Variants in LMO7 observed in about 807,000 individuals in gnomAD.
LMO7 encodes the protein LIM domain 7.
LMO7 carries 120 observed loss-of-function variants against 206.5 expected under a neutral mutation model. That is an observed-to-expected ratio of 0.58 (90% CI 0.50 to 0.68). LMO7 has a LOEUF of 0.68. LMO7 is among the 30% of genes least tolerant of loss of function. The probability of loss-of-function intolerance (pLI) is 0.00; values close to 1 mark genes in which losing one functional copy is unlikely to be tolerated. For missense variants in LMO7, 1,959 were observed against 1,957.9 expected, an observed-to-expected ratio of 1.00 and a Z score of -0.01; for synonymous variants, 706 against 681.5, an observed-to-expected ratio of 1.04 and a Z score of -0.56.
At position 75,838,163 on chromosome 13, in the gene LMO7, A is replaced by G; in HGVS notation, c.3418A>G (p.Asn1140Asp). ...SKASESISLK[N>D]LKRRSQFFEQ... ...AGCATCTGAATCCATTTCTTTGAAA[A>G]ACTTAAAAAGGCGATCACAATTTTT... The change falls in exon 20 of 31, where the codon AAC becomes GAC. Residue 1140 changes from asparagine (N) to aspartate (D), a missense_variant. Physicochemically the swap from Asn to Asp is conservative, Grantham distance 23 (BLOSUM62 1). Coordinates refer to ENST00000377534, the MANE Select transcript of LMO7 (RefSeq NM_001306080.2). 6.2e-7 allele frequency: 1 copy of G among 1,603,920 alleles called. No individual in the cohort carries two copies. The highest frequency in any genetic ancestry group is 8.5e-7 in the Non-Finnish European group (1 of 1,170,940).
At chr13:75,718,691 G>T (rs2043763616) in intron 2 of LMO7, among the ~76,000 whole-genome samples, 1 of 152,110 alleles carries the variant, frequency 6.6e-6, no homozygotes, top group Non-Finnish European at 1.5e-5. Flanking sequence ...TCTTGGTGTT[G>T]TACGTTGTAT....
At chr13:75,709,916 G>C (rs1302505306) in intron 1 of LMO7, among the ~76,000 whole-genome samples, 1 of 152,134 alleles carries the variant, frequency 6.6e-6, no homozygotes, top group African/African-American at 2.4e-5. Flanking sequence ...TTCTTCTAGG[G>C]TTTTTATGGT....
intron 3 of LMO7, among the ~76,000 whole-genome samples, chr13:75,733,340 C>T (rs937674157): frequency 6.6e-6 from 1 of 152,236 alleles, no homozygotes; most frequent in Non-Finnish European, 1.5e-5. Context: ...GCGGGCGCCC[C>T]TCCCCCAGCC....
intron 1 of LMO7, among the ~76,000 whole-genome samples, chr13:75,672,779 T>C (rs1176802813): frequency 6.8e-6 from 1 of 146,524 alleles, no homozygotes; most frequent in East Asian, 1.9e-4. Context: ...TCTCATACTT[T>C]TGATTTTATA....
At chr13:75,818,080 T>C (rs2138255081) in intron 12 of LMO7, among the ~76,000 whole-genome samples, 2 of 152,346 alleles carry the variant, frequency 1.3e-5, no homozygotes, top group South Asian at 4.1e-4. Flanking sequence ...AAACCCCTGC[T>C]CTGGCTACCC....
At chr13:75,844,531 T>C (rs1356443532) in intron 25 of LMO7, among the ~76,000 whole-genome samples, 1 of 151,994 alleles carries the variant, frequency 6.6e-6, no homozygotes, top group Non-Finnish European at 1.5e-5. Context: ...CACTTCAGTC[T>C]CCCAAGTAAC....
chr13:75,741,846 C>G (rs2046436753), intron 3 of LMO7, among the ~76,000 whole-genome samples: 1 of 152,178 alleles, frequency 6.6e-6, no homozygotes, highest in East Asian at 1.9e-4. Flanking sequence ...TCTCTTACTA[C>G]TCCTACTCAA....
At chr13:75,719,316 G>A (rs146384716) in intron 2 of LMO7, among the ~76,000 whole-genome samples, 1 of 152,136 alleles carries the variant, frequency 6.6e-6, no homozygotes, top group African/African-American at 2.4e-5. Context: ...ACGTTCTACT[G>A]TCTGGAGGTT....
chr13:75,841,729 CAG>C lies in LMO7; in HGVS notation c.3781_3782del (p.Glu1261ArgfsTer19). On this transcript the variant is annotated frameshift_variant, in exon 24 of 31. Transcript: ENST00000377534. LOFTEE classifies it high-confidence loss of function. Reference sequence around the variant, plus strand: ...GGAGTGAAGGGTCCAAGTCTTCAGACAGAGAAGGAACCCGAGCAGGAGAAGAG... The same window carrying C: ...GGAGTGAAGGGTCCAAGTCTTCAGACAGAAGGAACCCGAGCAGGAGAAGAG... ...TWSEGSKSSD[R>X]EGTRAGEEER... 1 of 1,613,934 alleles carries C rather than the reference CAG, an allele frequency of 6.2e-7. No individual in the cohort carries two copies. The highest frequency in any genetic ancestry group is 8.5e-7 in the Non-Finnish European group (1 of 1,179,978).
At chr13:75,646,453 A>C (rs1190661634) in intron 1 of LMO7, among the ~76,000 whole-genome samples, 1 of 152,174 alleles carries the variant, frequency 6.6e-6, no homozygotes, top group African/African-American at 2.4e-5. Flanking sequence ...TGAATTTTTA[A>C]GGCAGTCTCT....
At chr13:75,681,314 A>G (rs1347132300) in intron 1 of LMO7, among the ~76,000 whole-genome samples, 3 of 152,098 alleles carry the variant, frequency 2.0e-5, no homozygotes, top group Non-Finnish European at 4.4e-5. Flanking sequence ...TTAAGTCTTT[A>G]ATCCATCTTG....
chr13:75,775,414 G>C (rs925558531), intron 4 of LMO7, among the ~76,000 whole-genome samples: 2 of 151,858 alleles, frequency 1.3e-5, no homozygotes, highest in African/African-American at 4.8e-5. Context: ...AATTTATGAC[G>C]AAGTCCTTAA....
chr13:75,767,767 C>A (rs776930671), intron 4 of LMO7, among the ~76,000 whole-genome samples: 1 of 152,070 alleles, frequency 6.6e-6, no homozygotes, highest in Non-Finnish European at 1.5e-5. Context: ...TGAACAGAAT[C>A]ATCTTTGAAG....
chr13:75,790,551 T>A (rs77682781), intron 4 of LMO7, among the ~76,000 whole-genome samples: 1 of 152,226 alleles, frequency 6.6e-6, no homozygotes, highest in African/African-American at 2.4e-5. Flanking sequence ...TAGACTTTTT[T>A]ACCCACTGGT....
chr13:75,761,060 GATAT>G (rs10563264), intron 4 of LMO7, 22 bp downstream of exon 4: 336 of 1,153,656 alleles, frequency 2.9e-4, no homozygotes, highest in Admixed American at 5.2e-4. Flanking sequence ...CAGTTTGTTA[GATAT>G]ATATATATAT....
intron 27 of LMO7, among the ~76,000 whole-genome samples, chr13:75,852,274 G>A (rs1038285009): frequency 2.6e-5 from 4 of 152,144 alleles, no homozygotes; most frequent in Admixed American, 6.5e-5. Context: ...ACTTGTAAGC[G>A]GGAGCTAAAC....
intron 1 of LMO7, among the ~76,000 whole-genome samples, chr13:75,643,428 G>C (rs1566267993): frequency 1.3e-5 from 2 of 152,142 alleles, no homozygotes; most frequent in African/African-American, 4.8e-5. Flanking sequence ...TGTTTATGTT[G>C]TTCCTGTTCC....
Position 75,808,007 on chromosome 13 carries a change from GA to G in LMO7, c.1726del (p.Ile576TyrfsTer2). 2.5e-6 allele frequency: 4 copies of G among 1,613,866 alleles called. No individual in the cohort carries two copies. Among genetic ancestry groups the G allele is most frequent in the Non-Finnish European group, 3.4e-6 (4 of 1,179,848 alleles). ...TCCAAAGAAAAAAGTAATAGCTGTA[GA>G]ATATTAGTTCCTTCATATCGGCAGA... ...CPSKEKSNSC[R>X]ILVPSYRQKK... On this transcript the variant is annotated frameshift_variant, in exon 10 of 31. Transcript: ENST00000377534. LOFTEE classifies it high-confidence loss of function.
chr13:75,694,368 C>T (rs56312330), intron 1 of LMO7, among the ~76,000 whole-genome samples: 5,953 of 152,140 alleles, frequency 0.039, 188 homozygotes, highest in African/African-American at 0.077. Context: ...AATGAAGGGG[C>T]GAAGGGGCTC....
Sources: gnomAD v4.1 joint callset for allele counts (sites outside exome capture counted in the v4.1 genomes callset) on GRCh38, gnomAD v4.1.1 for gene constraint, MANE v1.5 for transcripts, NCBI Gene and HGNC (gene_info 2026-07-23, HGNC 2026-07-21) for gene names.